The following PDCL3 variants were observed in gnomAD, a reference collection of about 807,000 sequenced individuals.
PDCL3 encodes phosducin-like protein 3.
PDCL3 carries 22 observed loss-of-function variants against 26.5 expected under a neutral mutation model. The ratio of observed to expected loss-of-function variants is 0.83; its 90% CI spans 0.59 to 1.19. The LOEUF (loss-of-function observed/expected upper bound fraction) is 1.19. Ranked by LOEUF, PDCL3 falls within the 50% of genes most tolerant of loss-of-function variation. PDCL3 has a pLI of 0.00. For synonymous variants in PDCL3, 81 were observed against 104.9 expected, an observed-to-expected ratio of 0.77 and a Z score of 1.39; for missense variants, 246 against 294.1, an observed-to-expected ratio of 0.84 and a Z score of 1.20.
In PDCL3 at chr2:100,563,535, C is replaced by G. The variant is rs181196287; in HGVS notation, c.6+462C>G. 588 of 156,082 alleles carry G rather than the reference C, an allele frequency of 3.8e-3. 4 individuals are homozygous for G. The highest frequency in any genetic ancestry group is 0.01 in the Admixed American group (156 of 15,406). The allele number at this position is 156,082 out of a possible 1,614,324, so 9.7% of individuals were successfully genotyped here. On this transcript the variant is annotated intron_variant, in intron 1 of 5. Transcript: ENST00000264254. Reference sequence around the variant, plus strand: ...GTGAGGGCTTAGTTACACCCTCTTCCCCCGAGCCCTGGGATCCGCTTGGGG... The same window carrying G: ...GTGAGGGCTTAGTTACACCCTCTTCGCCCGAGCCCTGGGATCCGCTTGGGG...
At chr2:100,575,432 G>T (rs1398453931) in intron 5 of PDCL3, among the ~76,000 whole-genome samples, 1 of 152,222 alleles carries the variant, frequency 6.6e-6, no homozygotes, top group Non-Finnish European at 1.5e-5. Context: ...ACCGCGCCCG[G>T]CCTGGTTTTC....
intron 2 of PDCL3, among the ~76,000 whole-genome samples, chr2:100,567,093 G>C (rs1675073852): frequency 6.6e-6 from 1 of 152,136 alleles, no homozygotes; most frequent in African/African-American, 2.4e-5. Flanking sequence ...GTCCCTTGGA[G>C]TGCTGGTAAC....
chr2:100,566,488 G>T lies in PDCL3; in HGVS notation c.7-15G>T. The T allele has an allele frequency of 6.2e-7, 1 of 1,611,452 alleles. No individual in the cohort carries two copies. The highest frequency in any genetic ancestry group is 8.5e-7 in the Non-Finnish European group (1 of 1,179,540). ...AGACTTAGCACTCATGGTAACCTTG[G>T]TCCCGCTCTTCTAGGACCCCAACGC... On this transcript the variant is annotated splice_polypyrimidine_tract_variant and intron_variant, in intron 1 of 5. Coordinates refer to ENST00000264254, the MANE Select transcript of PDCL3 (RefSeq NM_024065.5).
At position 100,563,007 on chromosome 2, in the gene PDCL3, G is replaced by A; in HGVS notation, c.-61G>A. 1 of 1,575,046 alleles carries A rather than the reference G, an allele frequency of 6.3e-7. No homozygotes were observed. Among genetic ancestry groups the A allele is most frequent in the Non-Finnish European group, 8.6e-7 (1 of 1,160,974 alleles). On this transcript the variant is annotated 5_prime_UTR_variant, in exon 1 of 6. Transcript: ENST00000264254. ...GGCGGCGCTGTGCGCGTGCACAAAA[G>A]AGAGCTGAGGGGCGGGGGCGCTGCG...
rs373289209 is a variant in PDCL3, at chr2:100,576,493, C to G, written c.717C>G (p.Asp239Glu). 3 of 1,602,116 alleles carry G rather than the reference C, an allele frequency of 1.9e-6. No homozygotes were observed. In the African/African-American group the frequency reaches 4.0e-5, roughly 22 times the overall value. ...AGAGGGACAGCGATTCCGAGGGTGA[C>G]TGAGGCTACAGCTTCTATCACATGC... ...LMKRDSDSEG[D>E] Residue 239 changes from aspartate to glutamate, a missense_variant, in exon 6 of 6, where the codon GAC (aspartate) becomes GAG (glutamate). Physicochemically the swap from Asp to Glu is conservative, Grantham distance 45 (BLOSUM62 2). Coordinates refer to ENST00000264254, the MANE Select transcript of PDCL3 (RefSeq NM_024065.5).
intron 2 of PDCL3, 62 bp from the exon 3 acceptor site, chr2:100,568,866 AAAG>A: frequency 7.3e-7 from 1 of 1,375,332 alleles, no homozygotes; most frequent in Non-Finnish European, 1.0e-6. Context: ...AGAGGGGAAA[AAAG>A]AAAAATACAT....
At chr2:100,563,867 G>T (rs1390260893) in intron 1 of PDCL3, among the ~76,000 whole-genome samples, 1 of 151,626 alleles carries the variant, frequency 6.6e-6, no homozygotes, top group African/African-American at 2.4e-5. Flanking sequence ...TGGGGAGGGA[G>T]GCATTAGGGG....
At chr2:100,576,165 C>T (rs1427102361) in intron 5 of PDCL3, among the ~76,000 whole-genome samples, 189 bp from the exon 6 acceptor site, 1 of 152,182 alleles carries the variant, frequency 6.6e-6, no homozygotes, top group Non-Finnish European at 1.5e-5. Flanking sequence ...CAACCTCTAC[C>T]TCCCAGGCTC....
intron 4 of PDCL3, among the ~76,000 whole-genome samples, chr2:100,570,435 T>C (rs1675144040): frequency 1.3e-5 from 2 of 152,110 alleles, no homozygotes; most frequent in Admixed American, 1.3e-4. Context: ...TCTCCAGTCT[T>C]GTCTTAAACT....
chr2:100,568,853 AAG>A (rs1408097613), intron 2 of PDCL3, 76 bp from the exon 3 acceptor site: 14 of 1,178,666 alleles, frequency 1.2e-5, no homozygotes, highest in Non-Finnish European at 1.6e-5. Context: ...TTTAGGAGAA[AAG>A]AGAGGGGAAA....
chr2:100,569,090 C>T (rs781245302), intron 3 of PDCL3, 69 bp downstream of exon 3: 30 of 1,343,894 alleles, frequency 2.2e-5, no homozygotes, highest in African/African-American at 1.0e-4. Flanking sequence ...TTTTTTTTGG[C>T]GTGGCAATAA....
intron 5 of PDCL3, 121 bp downstream of exon 5, chr2:100,571,919 T>C: frequency 1.1e-6 from 1 of 914,724 alleles, no homozygotes. Context: ...TGCCTGTGTA[T>C]GAGGACGGAA....
At chr2:100,573,936 A>G (rs187466970) in intron 5 of PDCL3, among the ~76,000 whole-genome samples, 2 of 152,304 alleles carry the variant, frequency 1.3e-5, no homozygotes, top group Admixed American at 1.3e-4. Flanking sequence ...GTGTAAGTGA[A>G]CAGTAACATT....
At chr2:100,563,195 C>T (rs1476142312) in intron 1 of PDCL3, 122 bp downstream of exon 1, 3 of 1,295,528 alleles carry the variant, frequency 2.3e-6, no homozygotes, top group South Asian at 1.5e-5. Flanking sequence ...GAGGGAGGCC[C>T]GGCGCGTCCA....
intron 1 of PDCL3, among the ~76,000 whole-genome samples, chr2:100,565,564 G>A (rs1675046074): frequency 6.6e-6 from 1 of 150,462 alleles, no homozygotes; most frequent in Non-Finnish European, 1.5e-5. Flanking sequence ...GTGAGCCACC[G>A]TGCCCAGCCT....
chr2:100,570,667 G>A (rs57345003), intron 4 of PDCL3, among the ~76,000 whole-genome samples: 16 of 151,700 alleles, frequency 1.1e-4, no homozygotes, highest in African/African-American at 3.9e-4. Flanking sequence ...TAGTAGAGAC[G>A]GGGTTTCACC....
At chr2:100,563,294 C>G (rs1448194410) in intron 1 of PDCL3, 2 of 506,080 alleles carry the variant, frequency 4.0e-6, no homozygotes, top group East Asian at 3.5e-5. Flanking sequence ...CCGGGTCCCC[C>G]AAACCTCGTC....
intron 2 of PDCL3, 134 bp downstream of exon 2, chr2:100,566,763 A>T: frequency 7.7e-7 from 1 of 1,305,770 alleles, no homozygotes. Flanking sequence ...GACAAAACAC[A>T]GGGCGTCTCT....
intron 4 of PDCL3, among the ~76,000 whole-genome samples, chr2:100,571,355 TG>T (rs35378099): frequency 1.3e-5 from 2 of 151,952 alleles, no homozygotes; most frequent in Non-Finnish European, 2.9e-5. Flanking sequence ...AAGTGCTACT[TG>T]GGGGGCTGAG....
Sources: allele counts gnomAD v4.1 joint callset (sites outside exome capture counted in the v4.1 genomes callset), GRCh38; gene constraint gnomAD v4.1.1; transcripts MANE v1.5; gene names NCBI Gene and HGNC (gene_info 2026-07-23, HGNC 2026-07-21).